Variants in CDH6 observed in about 807,000 individuals in gnomAD.
CDH6 encodes the protein cadherin-6.
A neutral mutation model predicts 78.0 loss-of-function variants in CDH6; 31 were observed. The observed-to-expected ratio is 0.40, with a 90% confidence interval of 0.30 to 0.54. The LOEUF is 0.54. CDH6 is among the 20% of genes least tolerant of loss of function. The pLI, the probability that CDH6 is intolerant of heterozygous loss-of-function variation, is 0.56. For synonymous variants in CDH6, 376 were observed against 368.8 expected, an observed-to-expected ratio of 1.02 and a Z score of -0.23; for missense variants, 724 against 975.9, an observed-to-expected ratio of 0.74 and a Z score of 3.44.
chr5:31,198,037 G>A (rs545016157), intron 1 of CDH6, among the ~76,000 whole-genome samples: 52 of 152,258 alleles, frequency 3.4e-4, no homozygotes, highest in Admixed American at 1.3e-4. Context: ...GAAGAGGGGA[G>A]AGTATAAACA....
chr5:31,269,858 T>A (rs942333377), intron 2 of CDH6, among the ~76,000 whole-genome samples: 1 of 152,126 alleles, frequency 6.6e-6, no homozygotes, highest in Non-Finnish European at 1.5e-5. Flanking sequence ...CTCCTCCTTG[T>A]AGTTATAACA....
chr5:31,194,909 C>G (rs1192320526), intron 1 of CDH6, among the ~76,000 whole-genome samples: 1 of 151,988 alleles, frequency 6.6e-6, no homozygotes, highest in Admixed American at 6.6e-5. Context: ...GAGAGGTCAG[C>G]GTGGTGCTAA....
intron 1 of CDH6, among the ~76,000 whole-genome samples, chr5:31,255,843 T>G (rs1171979610): frequency 6.6e-6 from 1 of 152,236 alleles, no homozygotes; most frequent in South Asian, 2.1e-4. Flanking sequence ...CAAATAAACT[T>G]ACATAAAACA....
At chr5:31,302,812 GAAAGA>G (rs1737828112) in intron 6 of CDH6, among the ~76,000 whole-genome samples, 2 of 118,168 alleles carry the variant, frequency 1.7e-5, no homozygotes, top group Non-Finnish European at 3.6e-5. Context: ...AAGAAAGAAA[GAAAGA>G]AAGAAAGAAA....
Position 31,199,432 on chromosome 5 carries a change from ATGTG to A in CDH6, c.-129+5548_-129+5551del, listed in dbSNP as rs1454604879. On this transcript the variant is annotated intron_variant, in intron 1 of 11. Coordinates refer to ENST00000265071, the MANE Select transcript of CDH6 (RefSeq NM_004932.4). ...ACATGGTGTATATATGTACACACAT[ATGTG>A]TATATATACACACACATATGTGTAT... Among the ~76,000 whole-genome samples the A allele has an allele frequency of 1.0e-4, 4 of 38,468 alleles. No homozygotes were observed. The Admixed American group carries it at 1.2e-3, about 11-fold the overall frequency. 25.2% of individuals were successfully genotyped at this position (38,468 alleles called of 152,430 possible).
intron 2 of CDH6, among the ~76,000 whole-genome samples, chr5:31,280,085 G>A (rs965590688): frequency 6.6e-6 from 1 of 152,078 alleles, no homozygotes; most frequent in South Asian, 2.1e-4. Context: ...AAATGATAAC[G>A]TGGCCATTGA....
chr5:31,195,551 C>T (rs899463859), intron 1 of CDH6, among the ~76,000 whole-genome samples: 1 of 152,144 alleles, frequency 6.6e-6, no homozygotes, highest in Non-Finnish European at 1.5e-5. Context: ...TGTAATAGTA[C>T]TTGCACGGCT....
rs1742396415 is a variant in CDH6 at position 31,267,550 on chromosome 5, A to G, written c.77A>G (p.Lys26Arg). The change falls in exon 2 of 12, where the codon AAG (lysine) becomes AGG (arginine). Residue 26 changes from lysine (K) to arginine (R), a missense_variant. Lys to Arg is a conservative substitution (Grantham distance 26, BLOSUM62 2). This residue lies in a region of CDH6 where 58 missense variants were observed against 50.8 expected (regional missense o/e 1.14). Transcript: ENST00000265071. Reference sequence around the variant, plus strand: ...CCAACTCTCTCAACTCCACTATCAAAGAGGACTAGTGGTTTCCCAGCAAAG... The same window carrying G: ...CCAACTCTCTCAACTCCACTATCAAGGAGGACTAGTGGTTTCCCAGCAAAG... ...PYPTLSTPLS[K>R]RTSGFPAKKR... is the part of the protein sequence containing the mutation. 3 of 1,613,926 alleles carry G rather than the reference A, an allele frequency of 1.9e-6. No homozygotes were observed. The highest frequency in any genetic ancestry group is 1.7e-5 in the Admixed American group (1 of 59,994).
intron 7 of CDH6, among the ~76,000 whole-genome samples, chr5:31,310,010 C>T (rs930302510): frequency 6.6e-6 from 1 of 152,196 alleles, no homozygotes; most frequent in Non-Finnish European, 1.5e-5. Flanking sequence ...GTCCTTTTCA[C>T]ATTTCAAAAC....
intron 1 of CDH6, among the ~76,000 whole-genome samples, chr5:31,234,692 T>C (rs180996278): frequency 7.7e-4 from 117 of 152,324 alleles, no homozygotes; most frequent in Non-Finnish European, 1.3e-3. Context: ...TTTATAAAAA[T>C]AGACCTTTCT....
intron 11 of CDH6, among the ~76,000 whole-genome samples, chr5:31,320,769 G>A (rs1262882983): frequency 6.6e-6 from 1 of 152,134 alleles, no homozygotes; most frequent in Non-Finnish European, 1.5e-5. Flanking sequence ...CTTGAGGTCA[G>A]GAGTTCGAGA....
At chr5:31,232,380 C>T (rs1741335406) in intron 1 of CDH6, among the ~76,000 whole-genome samples, 2 of 152,132 alleles carry the variant, frequency 1.3e-5, no homozygotes, top group Admixed American at 1.3e-4. Context: ...TTTTCTTCCA[C>T]ATTTTTCTTC....
intron 1 of CDH6, among the ~76,000 whole-genome samples, chr5:31,266,748 G>C (rs1364926572): frequency 2.6e-5 from 4 of 152,054 alleles, no homozygotes; most frequent in Non-Finnish European, 4.4e-5. Context: ...CAGGCACTTT[G>C]ATATGCTAAT....
intron 2 of CDH6, among the ~76,000 whole-genome samples, chr5:31,289,226 AT>A (rs1325180166): frequency 1.3e-5 from 2 of 151,856 alleles, no homozygotes; most frequent in Non-Finnish European, 2.9e-5. Flanking sequence ...GTGGTATTTG[AT>A]TTTCTGTGTC....
intron 1 of CDH6, among the ~76,000 whole-genome samples, chr5:31,199,500 A>G (rs543247556): frequency 2.4e-3 from 231 of 96,978 alleles, no homozygotes; most frequent in African/African-American, 6.7e-3. Context: ...ACACACACAT[A>G]TGTGTATATA....
At chr5:31,194,222 C>T (rs1241280448) in intron 1 of CDH6, among the ~76,000 whole-genome samples, 1 of 152,204 alleles carries the variant, frequency 6.6e-6, no homozygotes, top group Non-Finnish European at 1.5e-5. Context: ...TTTCTCTACG[C>T]CGGCAGAGGC....
At chr5:31,268,879 C>T (rs1284125809) in intron 2 of CDH6, among the ~76,000 whole-genome samples, 1 of 152,082 alleles carries the variant, frequency 6.6e-6, no homozygotes, top group Non-Finnish European at 1.5e-5. Context: ...GGAAGTATTC[C>T]AATGATGTGA....
At chr5:31,217,512 G>T (rs1040358202) in intron 1 of CDH6, among the ~76,000 whole-genome samples, 1 of 152,060 alleles carries the variant, frequency 6.6e-6, no homozygotes, top group African/African-American at 2.4e-5. Flanking sequence ...ATAAATAGCT[G>T]GATACTCACA....
chr5:31,211,075 G>A (rs983765993), intron 1 of CDH6, among the ~76,000 whole-genome samples: 1 of 152,196 alleles, frequency 6.6e-6, no homozygotes, highest in African/African-American at 2.4e-5. Flanking sequence ...TAGCCTGTGT[G>A]TGAAGTGGGT....
Sources: gnomAD v4.1 joint callset for allele counts (sites outside exome capture counted in the v4.1 genomes callset) on GRCh38, gnomAD v4.1.1 for gene constraint, gnomAD v4.1.1 regional missense constraint, MANE v1.5 for transcripts, NCBI Gene and HGNC (gene_info 2026-07-23, HGNC 2026-07-21) for gene names.